DRAM1: variants seen among roughly 807,000 people sequenced by gnomAD.
DRAM1 encodes DNA damage regulated autophagy modulator 1.
DRAM1 carries 25 observed loss-of-function variants against 28.5 expected under a neutral mutation model. The ratio of observed to expected loss-of-function variants is 0.88; its 90% CI spans 0.64 to 1.23. The LOEUF is 1.23. Among genes scored for constraint, DRAM1 ranks in the 50% most tolerant of loss-of-function variants. DRAM1 has a pLI of 0.00. For synonymous variants in DRAM1, 113 were observed against 114.2 expected (o/e 0.99, Z 0.07); for missense variants, 249 against 299.2 (o/e 0.83, Z 1.24).
rs866770752 is a variant in DRAM1 at position 101,877,911 on chromosome 12, C to A, written c.122C>A (p.Pro41Gln). The change falls in exon 1 of 7, where the codon CCG becomes CAG. Residue 41 changes from proline to glutamine, a missense_variant. By Grantham distance (76) the Pro-to-Gln change is moderately conservative (BLOSUM62 -1). Coordinates refer to ENST00000258534, the MANE Select transcript of DRAM1 (RefSeq NM_018370.3). This position sits in a 1 kb window ranked among gnomAD's most constrained non-coding sequence, Gnocchi z 4.1. The part of the protein sequence containing the change: ...VLSGHVNPFL[P>Q]YISDTGTTPP... Reference sequence around the variant, plus strand: ...TCCGGGCACGTCAACCCCTTCCTCCCGTATATCAGGTGAGTGGCAGGGTGG... The same window carrying A: ...TCCGGGCACGTCAACCCCTTCCTCCAGTATATCAGGTGAGTGGCAGGGTGG... 1 of 1,536,154 alleles carries A rather than the reference C, an allele frequency of 6.5e-7. No homozygotes were observed. The highest frequency in any genetic ancestry group is 2.5e-5 in the East Asian group (1 of 40,268).
intron 1 of DRAM1, among the ~76,000 whole-genome samples, chr12:101,888,310 T>C (rs1421887566): frequency 6.6e-6 from 1 of 151,972 alleles, no homozygotes; most frequent in East Asian, 1.9e-4. Context: ...TTGTATTTTT[T>C]AGTAGAGACG....
At chr12:101,921,096 G>A in intron 6 of DRAM1, 120 bp from the exon 7 acceptor site, 1 of 775,578 alleles carries the variant, frequency 1.3e-6, no homozygotes, top group East Asian at 2.5e-5. Context: ...CCTGACTCAA[G>A]CATAGCACAA....
At chr12:101,883,653 G>T (rs1362141522) in intron 1 of DRAM1, among the ~76,000 whole-genome samples, 2 of 150,604 alleles carry the variant, frequency 1.3e-5, no homozygotes, top group East Asian at 3.9e-4. Flanking sequence ...AAAACATGAG[G>T]CCGGGCGCAG....
chr12:101,893,488 A>G (rs1156782624), intron 1 of DRAM1, among the ~76,000 whole-genome samples: 1 of 152,156 alleles, frequency 6.6e-6, no homozygotes, highest in Non-Finnish European at 1.5e-5. Flanking sequence ...GCCCCCAATC[A>G]TTCTCCTAAT....
At chr12:101,882,341 A>C (rs940339734) in intron 1 of DRAM1, among the ~76,000 whole-genome samples, 23 of 148,618 alleles carry the variant, frequency 1.5e-4, no homozygotes, top group Non-Finnish European at 3.0e-4. Context: ...CGATCTCCTG[A>C]CCTTGTGATC....
intron 1 of DRAM1, among the ~76,000 whole-genome samples, chr12:101,886,287 T>C (rs886845882): frequency 1.1e-4 from 16 of 152,210 alleles, no homozygotes; most frequent in African/African-American, 3.6e-4. Context: ...AGGGTATGGC[T>C]CCATTATGTG....
At chr12:101,886,285 G>A (rs78456589) in intron 1 of DRAM1, among the ~76,000 whole-genome samples, 5,435 of 152,208 alleles carry the variant, frequency 0.036, 294 homozygotes, top group East Asian at 0.23. Context: ...TTAGGGTATG[G>A]CTCCATTATG....
chr12:101,877,765 C>T lies in DRAM1; in HGVS notation c.-25C>T. The T allele has an allele frequency of 2.0e-6, 3 of 1,474,334 alleles. No homozygotes were observed. Among genetic ancestry groups the T allele is most frequent in the Non-Finnish European group, 2.7e-6 (3 of 1,108,472 alleles). 91.3% of individuals were successfully genotyped at this position (1,474,334 alleles called of 1,614,324 possible). ...GCGCCCGGCCCCGCTGGGCGCAGCA[C>T]TCCGTCGGCGGCGGCGGCGGCGCGA... On this transcript the variant is annotated 5_prime_UTR_variant, in exon 1 of 7. Coordinates refer to ENST00000258534, the MANE Select transcript of DRAM1 (RefSeq NM_018370.3). This position sits in a 1 kb window ranked among gnomAD's most constrained non-coding sequence, Gnocchi z 4.1.
intron 1 of DRAM1, among the ~76,000 whole-genome samples, chr12:101,881,120 A>AT (rs1369552723): frequency 6.6e-6 from 1 of 152,166 alleles, no homozygotes; most frequent in Non-Finnish European, 1.5e-5. Context: ...CTCTACTAAA[A>AT]ATATATAAAA....
At chr12:101,881,409 G>T (rs1872682522) in intron 1 of DRAM1, among the ~76,000 whole-genome samples, 3 of 152,090 alleles carry the variant, frequency 2.0e-5, no homozygotes, top group Admixed American at 1.3e-4. Flanking sequence ...TGCCCAGGCT[G>T]GTCTCGAACT....
At chr12:101,898,030 A>G in intron 2 of DRAM1, 100 bp downstream of exon 2, 1 of 722,262 alleles carries the variant, frequency 1.4e-6, no homozygotes, top group Non-Finnish European at 2.1e-6. Flanking sequence ...ATTTTATTTT[A>G]TTTATTTTTT....
intron 3 of DRAM1, among the ~76,000 whole-genome samples, chr12:101,902,434 G>T (rs1168868750): frequency 6.6e-6 from 1 of 152,132 alleles, no homozygotes; most frequent in Admixed American, 6.5e-5. Flanking sequence ...AGATATATCT[G>T]TGACAAAAAA....
intron 1 of DRAM1, among the ~76,000 whole-genome samples, chr12:101,887,900 C>T (rs1307013506): frequency 6.6e-6 from 1 of 152,008 alleles, no homozygotes; most frequent in Non-Finnish European, 1.5e-5. Context: ...CACAGAATTT[C>T]AGGCAGTGGT....
chr12:101,884,861 G>A (rs1872825682), intron 1 of DRAM1, among the ~76,000 whole-genome samples: 1 of 151,722 alleles, frequency 6.6e-6, no homozygotes, highest in Admixed American at 6.6e-5. Flanking sequence ...TTGCATTTAT[G>A]TAACAATCAC....
Position 101,921,380 on chromosome 12 carries a change from G to T in DRAM1, c.*120G>T, listed in dbSNP as rs1874477325. 1.3e-6 allele frequency: 1 copy of T among 755,112 alleles called. No homozygotes were observed. The highest frequency in any genetic ancestry group is 2.5e-5 in the East Asian group (1 of 40,468). 46.8% of individuals were successfully genotyped at this position (755,112 alleles called of 1,614,324 possible). A position where few individuals can be genotyped will look rare whatever the true frequency, so the allele number is the denominator to read the frequency against. Reference sequence around the variant, plus strand: ...TGGGATGCATCTGCAGCACATCCAGGACTTGAATTTCATTACGAGTTCCTA... The same window carrying T: ...TGGGATGCATCTGCAGCACATCCAGTACTTGAATTTCATTACGAGTTCCTA... On this transcript the variant is annotated 3_prime_UTR_variant, in exon 7 of 7. Transcript: ENST00000258534.
chr12:101,878,003 C>T (rs1872557217), intron 1 of DRAM1, 83 bp downstream of exon 1: 3 of 1,350,574 alleles, frequency 2.2e-6, no homozygotes, highest in South Asian at 3.4e-5. Flanking sequence ...GGAAGGCGTC[C>T]GGACCCAGCT....
At chr12:101,886,541 T>C (rs914848490) in intron 1 of DRAM1, among the ~76,000 whole-genome samples, 6 of 152,206 alleles carry the variant, frequency 3.9e-5, no homozygotes, top group African/African-American at 1.4e-4. Flanking sequence ...TATGTGAATG[T>C]AATATCAGAA....
intron 3 of DRAM1, among the ~76,000 whole-genome samples, chr12:101,903,578 C>G (rs1047635186): frequency 4.6e-5 from 7 of 152,092 alleles, no homozygotes; most frequent in Non-Finnish European, 8.8e-5. Context: ...TTCAGTTAGA[C>G]TGAATTAATA....
chr12:101,892,503 C>T (rs1219498215), intron 1 of DRAM1, among the ~76,000 whole-genome samples: 1 of 151,830 alleles, frequency 6.6e-6, no homozygotes, highest in African/African-American at 2.4e-5. Flanking sequence ...ATCCACCTGC[C>T]TCGGCCTCTC....
Sources: gnomAD v4.1 joint callset for allele counts (sites outside exome capture counted in the v4.1 genomes callset) on GRCh38, gnomAD v4.1.1 for gene constraint, Gnocchi (gnomAD v3.1) non-coding constraint, MANE v1.5 for transcripts, NCBI Gene and HGNC (gene_info 2026-07-23, HGNC 2026-07-21) for gene names.